The following TCFL5 variants were observed in gnomAD, a reference collection of about 807,000 sequenced individuals.
TCFL5 encodes transcription factor like 5, also known as transcription factor-like 5 protein.
TCFL5 carries 9 observed loss-of-function variants against 44.3 expected under a neutral mutation model. The ratio of observed to expected loss-of-function variants is 0.20; its 90% CI spans 0.12 to 0.35. TCFL5 has a LOEUF of 0.35. Among genes scored for constraint, TCFL5 ranks in the 10% least tolerant of loss-of-function variants. The pLI is 1.00. For synonymous variants in TCFL5, 319 were observed against 271.6 expected, an observed-to-expected ratio of 1.17 and a Z score of -1.72; for missense variants, 603 against 613.4, an observed-to-expected ratio of 0.98 and a Z score of 0.18.
chr20:62,857,841 C>T (rs1167572080), intron 3 of TCFL5, among the ~76,000 whole-genome samples: 1 of 152,098 alleles, frequency 6.6e-6, no homozygotes, highest in Non-Finnish European at 1.5e-5. Context: ...TACAACGAAA[C>T]TGAACAAGAA....
chr20:62,851,230 G>C (rs950751286), intron 5 of TCFL5, among the ~76,000 whole-genome samples: 2 of 152,226 alleles, frequency 1.3e-5, no homozygotes, highest in East Asian at 3.9e-4. Flanking sequence ...ATTGTGAACT[G>C]ACTTGACCTC....
chr20:62,845,033 G>A, intron 5 of TCFL5: 1 of 986,140 alleles, frequency 1.0e-6, no homozygotes, highest in African/African-American at 1.7e-5. Flanking sequence ...CCACTTTTAA[G>A]CAACTTTCCA....
Position 62,841,891 on chromosome 20 carries a change from G to A in TCFL5, c.*84C>T, listed in dbSNP as rs567391490. On this transcript the variant is annotated 3_prime_UTR_variant, in exon 6 of 6. Coordinates refer to ENST00000335351, the MANE Select transcript of TCFL5 (RefSeq NM_006602.4). ...ACGCCCTTTTCGAGTCAGACTAGCCGAGCAGAGCTCCAGGGTTGCAGAAGG... is the reference window on the plus strand; with the variant it reads ...ACGCCCTTTTCGAGTCAGACTAGCCAAGCAGAGCTCCAGGGTTGCAGAAGG... 4.9e-5 allele frequency: 77 copies of A among 1,562,052 alleles called. No individual in the cohort carries two copies. In the East Asian group the frequency reaches 1.2e-3, roughly 24 times the overall value.
rs948589222 is a variant in TCFL5 at position 62,851,473 on chromosome 20, G to C, written c.1380+2543C>G. ...AATGATTTACTAATAGATACACAAA[G>C]CCAAAACATTAAAGCATTTTTTAAA... On this transcript the variant is annotated intron_variant, in intron 5 of 5. Coordinates refer to ENST00000335351, the MANE Select transcript of TCFL5 (RefSeq NM_006602.4). The C allele has an allele frequency of 6.3e-6, 6 of 955,650 alleles. No individual in the cohort carries two copies. The East Asian group carries it at 5.8e-4, about 92-fold the overall frequency. 59.2% of individuals were successfully genotyped at this position (955,650 alleles called of 1,614,324 possible). A position where few individuals can be genotyped will look rare whatever the true frequency, so the allele number is the denominator to read the frequency against.
chr20:62,854,082 T>C lies in TCFL5; in HGVS notation c.1314A>G (p.Thr438=). ...PFCNAETDKA[T]TLQWTTAFLK... is the part of the protein sequence containing the mutation. ...GGAATGCTGTGGTCCACTGCAGAGTTGTGGCCTTGTCAGTCTCGGCATTGC... is the reference window on the plus strand; with the variant it reads ...GGAATGCTGTGGTCCACTGCAGAGTCGTGGCCTTGTCAGTCTCGGCATTGC... Residue 438 remains threonine (T), a synonymous_variant, in exon 5 of 6, where the codon ACA becomes ACG. Transcript: ENST00000335351. 6.2e-7 allele frequency: 1 copy of C among 1,614,158 alleles called. No homozygotes were observed. The highest frequency in any genetic ancestry group is 8.5e-7 in the Non-Finnish European group (1 of 1,180,042).
intron 5 of TCFL5, among the ~76,000 whole-genome samples, chr20:62,849,217 T>G (rs1240689573): frequency 1.3e-5 from 2 of 151,860 alleles, no homozygotes; most frequent in South Asian, 4.2e-4. Context: ...GTCTGCAGCT[T>G]ACTATCAAAT....
chr20:62,861,223 C>A lies in TCFL5; in HGVS notation c.448G>T (p.Ala150Ser). ...GCGGCGCCGTCGGCCCGGGCCCTCG[C>A]TCCGTCCCCGCCGCCCGACGTCTTC... ...AEKTSGGGDG[A>S]RARADGAAKE... The change falls in exon 1 of 6, where the codon GCG becomes TCG. Residue 150 changes from alanine to serine, a missense_variant. Ala to Ser is a moderately conservative substitution (Grantham distance 99). Around this residue, in one of 4 missense-constraint regions of TCFL5, gnomAD observed 540 missense variants for 478.7 expected, o/e 1.13. Coordinates refer to ENST00000335351, the MANE Select transcript of TCFL5 (RefSeq NM_006602.4). This position sits in a 1 kb window ranked among gnomAD's most constrained non-coding sequence, Gnocchi z 4.0. 1 of 1,152,846 alleles carries A rather than the reference C, an allele frequency of 8.7e-7. No homozygotes were observed. Among genetic ancestry groups the A allele is most frequent in the South Asian group, 1.9e-5 (1 of 51,816 alleles). 71.4% of individuals were successfully genotyped at this position (1,152,846 alleles called of 1,614,324 possible).
intron 4 of TCFL5, among the ~76,000 whole-genome samples, chr20:62,854,915 T>C (rs79872629): frequency 0.021 from 3,210 of 152,278 alleles, 97 homozygotes; most frequent in African/African-American, 0.071. Flanking sequence ...CTTCTAGACA[T>C]TGAGCGAAAC....
In TCFL5 at chr20:62,842,404, G is replaced by A. The variant is rs1045493181; in HGVS notation, c.1381-307C>T. Among the ~76,000 whole-genome samples, 6 of 151,998 alleles carry A rather than the reference G, an allele frequency of 3.9e-5. No homozygotes were observed. Among genetic ancestry groups the A allele is most frequent in the South Asian group, 2.1e-4 (1 of 4,828 alleles). ...TATACATGACATGAACGTTTCAACC[G>A]CTAATGGGCCCTAGCTAATAAACCT... On this transcript the variant is annotated intron_variant, in intron 5 of 5. Transcript: ENST00000335351. The surrounding 1 kb of genome is among the most constrained non-coding windows in gnomAD (Gnocchi z 4.3).
chr20:62,860,323 G>C lies in TCFL5; in HGVS notation c.648-15C>G. On this transcript the variant is annotated splice_polypyrimidine_tract_variant and intron_variant, in intron 1 of 5. Transcript: ENST00000335351. ...GAGTTACCAAACTGCCAAGACAAAAGAAAGCCCAGAAGTGTCAGCAATACG... is the reference window on the plus strand; with the variant it reads ...GAGTTACCAAACTGCCAAGACAAAACAAAGCCCAGAAGTGTCAGCAATACG... 1.9e-6 allele frequency: 3 copies of C among 1,599,304 alleles called. No homozygotes were observed. The highest frequency in any genetic ancestry group is 2.6e-6 in the Non-Finnish European group (3 of 1,167,928).
intron 2 of TCFL5, 115 bp downstream of exon 2, chr20:62,860,009 TA>T (rs1307007273): frequency 5.5e-6 from 6 of 1,088,998 alleles, no homozygotes; most frequent in Non-Finnish European, 6.6e-6. Flanking sequence ...GCGCCCGGCT[TA>T]AAAGGTTATT....
intron 4 of TCFL5, among the ~76,000 whole-genome samples, chr20:62,857,121 A>G (rs923597586): frequency 6.6e-6 from 1 of 152,062 alleles, no homozygotes; most frequent in African/African-American, 2.4e-5. Flanking sequence ...CCTTCTCCCC[A>G]CGCGCCTTTG....
At chr20:62,857,342 A>G (rs927034283) in intron 4 of TCFL5, 53 bp downstream of exon 4, 6 of 1,597,200 alleles carry the variant, frequency 3.8e-6, no homozygotes, top group African/African-American at 1.4e-5. Context: ...ATAACCATGT[A>G]TGACTAAGGT....
chr20:62,857,125 G>A (rs943508828), intron 4 of TCFL5, among the ~76,000 whole-genome samples: 2 of 152,114 alleles, frequency 1.3e-5, no homozygotes, highest in African/African-American at 2.4e-5. Flanking sequence ...CTCCCCACGC[G>A]CCTTTGCTGA....
In TCFL5 at chr20:62,861,406, C is replaced by A; in HGVS notation, c.265G>T (p.Ala89Ser). The A allele has an allele frequency of 9.1e-7, 1 of 1,099,334 alleles. No homozygotes were observed. Among genetic ancestry groups the A allele is most frequent in the Non-Finnish European group, 1.1e-6 (1 of 905,034 alleles). 68.1% of individuals were successfully genotyped at this position (1,099,334 alleles called of 1,614,324 possible). A position where few individuals can be genotyped will look rare whatever the true frequency, so the allele number is the denominator to read the frequency against. Reference sequence around the variant, plus strand: ...CCCGCCGCGAAGCCGCCCGCGCCTGCGCCCGGGCCCGCCGCCGCCAGCAGC... The same window carrying A: ...CCCGCCGCGAAGCCGCCCGCGCCTGAGCCCGGGCCCGCCGCCGCCAGCAGC... ...SALLAAAGPG[A>S]GAGGFAAGGQ... Residue 89 changes from alanine to serine, a missense_variant, in exon 1 of 6, where the codon GCA (alanine) becomes TCA (serine). Physicochemically the swap from Ala to Ser is moderately conservative, Grantham distance 99. This residue lies in a region of TCFL5 where 540 missense variants were observed against 478.7 expected (regional missense o/e 1.13). Transcript: ENST00000335351. This position sits in a 1 kb window ranked among gnomAD's most constrained non-coding sequence, Gnocchi z 4.0.
chr20:62,847,465 ATGAC>A (rs1261511394), intron 5 of TCFL5, among the ~76,000 whole-genome samples: 1 of 152,244 alleles, frequency 6.6e-6, no homozygotes, highest in African/African-American at 2.4e-5. Context: ...AACAAAGTGA[ATGAC>A]TGAGCCCCAG....
chr20:62,851,441 G>A (rs951769340), intron 5 of TCFL5: 1 of 779,712 alleles, frequency 1.3e-6, no homozygotes. Flanking sequence ...GAGTAAATCA[G>A]ATCAATAATG....
At chr20:62,852,913 A>AGCAGAAGTATATTCACCCAGTCC in intron 5 of TCFL5, 1 of 1,287,926 alleles carries the variant, frequency 7.8e-7, no homozygotes, top group Non-Finnish European at 1.0e-6. Flanking sequence ...TCACCCAGTC[A>AGCAGAAGTATATTCACCCAGTCC]GCAGAAGTAT....
intron 3 of TCFL5, among the ~76,000 whole-genome samples, chr20:62,858,375 G>A (rs538150733): frequency 6.6e-6 from 1 of 152,376 alleles, no homozygotes; most frequent in African/African-American, 2.4e-5. Context: ...AGAGGAATTC[G>A]GTCGTTTTGG....
Sources: gnomAD v4.1 joint callset for allele counts (sites outside exome capture counted in the v4.1 genomes callset) on GRCh38, gnomAD v4.1.1 for gene constraint, gnomAD v4.1.1 regional missense constraint, Gnocchi (gnomAD v3.1) non-coding constraint, MANE v1.5 for transcripts, NCBI Gene and HGNC (gene_info 2026-07-23, HGNC 2026-07-21) for gene names.